C8orf34: variants seen among roughly 807,000 people sequenced by gnomAD.
C8orf34 encodes the protein chromosome 8 open reading frame 34, also known as uncharacterized protein C8orf34.
Under a neutral mutation model 68.3 loss-of-function variants are expected in C8orf34, and 65 were observed. That is an observed-to-expected ratio of 0.95 (90% confidence interval 0.78 to 1.17). The LOEUF is 1.17. C8orf34 is among the 50% of genes most tolerant of loss of function. The pLI is 0.00. For missense variants in C8orf34, 664 were observed against 655.4 expected (o/e 1.01, Z -0.14); for synonymous variants, 244 against 241.2 (o/e 1.01, Z -0.11).
chr8:68,388,655 G>T (rs1376299922), intron 1 of C8orf34, among the ~76,000 whole-genome samples: 1 of 152,016 alleles, frequency 6.6e-6, no homozygotes, highest in Non-Finnish European at 1.5e-5. Flanking sequence ...CAAAAGAAAT[G>T]AACAAGTGGA....
At chr8:68,522,948 G>A (rs1303845169) in intron 6 of C8orf34, among the ~76,000 whole-genome samples, 3 of 152,094 alleles carry the variant, frequency 2.0e-5, no homozygotes, top group Non-Finnish European at 4.4e-5. Context: ...TCTTTCTCAA[G>A]GAGAAAATTG....
intron 1 of C8orf34, among the ~76,000 whole-genome samples, chr8:68,394,140 A>C (rs1039145001): frequency 6.6e-6 from 1 of 151,874 alleles, no homozygotes; most frequent in Non-Finnish European, 1.5e-5. Context: ...CACAATGTGC[A>C]GGTTAGTTAC....
chr8:68,613,999 G>A (rs1325393759), intron 7 of C8orf34, among the ~76,000 whole-genome samples: 2 of 152,154 alleles, frequency 1.3e-5, no homozygotes, highest in Non-Finnish European at 2.9e-5. Flanking sequence ...GTGTGAGATG[G>A]TATGTCATTG....
At chr8:68,470,659 G>T (rs530080735) in intron 4 of C8orf34, among the ~76,000 whole-genome samples, 1 of 152,050 alleles carries the variant, frequency 6.6e-6, no homozygotes, top group Non-Finnish European at 1.5e-5. Context: ...CTGGAGGGTG[G>T]ATGGTCTAAA....
intron 10 of C8orf34, among the ~76,000 whole-genome samples, chr8:68,731,327 A>G (rs1000314585): frequency 6.6e-6 from 1 of 152,208 alleles, no homozygotes; most frequent in Non-Finnish European, 1.5e-5. Flanking sequence ...AAAAGTGACC[A>G]TATTTGTGTT....
intron 8 of C8orf34, among the ~76,000 whole-genome samples, chr8:68,669,176 G>A (rs934718019): frequency 4.6e-5 from 7 of 152,058 alleles, no homozygotes; most frequent in African/African-American, 9.7e-5. Context: ...TCCTGCTTTC[G>A]ATGATGATAA....
chr8:68,770,590 A>T (rs1823311187), intron 10 of C8orf34, among the ~76,000 whole-genome samples: 1 of 152,186 alleles, frequency 6.6e-6, no homozygotes, highest in East Asian at 1.9e-4. Context: ...TCCACTGATA[A>T]AAGTCACCAC....
At chr8:68,780,900 C>T (rs983676776) in intron 11 of C8orf34, among the ~76,000 whole-genome samples, 12 of 152,116 alleles carry the variant, frequency 7.9e-5, no homozygotes, top group African/African-American at 2.4e-4. Context: ...TGATTTTTAA[C>T]GGAAGGATTA....
At chr8:68,715,133 G>A (rs921930308) in intron 9 of C8orf34, among the ~76,000 whole-genome samples, 1 of 152,070 alleles carries the variant, frequency 6.6e-6, no homozygotes, top group Non-Finnish European at 1.5e-5. Flanking sequence ...ACTCAAAATG[G>A]ATCAAGGACT....
intron 10 of C8orf34, among the ~76,000 whole-genome samples, chr8:68,760,555 C>T (rs1042168930): frequency 1.3e-5 from 2 of 152,188 alleles, no homozygotes; most frequent in Admixed American, 6.5e-5. Flanking sequence ...CCTACTTCTT[C>T]CTCCTGGCAG....
chr8:68,427,247 A>C (rs547299196), intron 1 of C8orf34, among the ~76,000 whole-genome samples: 1 of 152,220 alleles, frequency 6.6e-6, no homozygotes, highest in African/African-American at 2.4e-5. Flanking sequence ...AAATGTTTAT[A>C]GCAACATTAT....
chr8:68,615,371 T>A, intron 7 of C8orf34, among the ~76,000 whole-genome samples: 1 of 151,244 alleles, frequency 6.6e-6, no homozygotes, highest in South Asian at 2.1e-4. Context: ...TTGTGCCAGT[T>A]TTCAAAGGGA....
At chr8:68,414,583 C>A (rs1809583291) in intron 1 of C8orf34, among the ~76,000 whole-genome samples, 1 of 136,626 alleles carries the variant, frequency 7.3e-6, no homozygotes, top group South Asian at 2.5e-4. Context: ...GTTTTTTGAT[C>A]TTGGGAAACA....
intron 8 of C8orf34, among the ~76,000 whole-genome samples, chr8:68,642,572 G>A (rs1819044106): frequency 2.6e-5 from 4 of 152,092 alleles, no homozygotes; most frequent in Admixed American, 2.6e-4. Flanking sequence ...CAATAACCAG[G>A]GTATTAGCAT....
chr8:68,794,910 C>T (rs928985192), intron 12 of C8orf34, among the ~76,000 whole-genome samples: 2 of 152,046 alleles, frequency 1.3e-5, no homozygotes, highest in East Asian at 1.9e-4. Flanking sequence ...GATTTGGGAA[C>T]ATTTTGGAGT....
At chr8:68,353,605 CACAT>C (rs1402204921) in intron 1 of C8orf34, among the ~76,000 whole-genome samples, 2 of 144,418 alleles carry the variant, frequency 1.4e-5, no homozygotes, top group African/African-American at 2.5e-5. Context: ...TATATACACA[CACAT>C]ATATATATAC....
At chr8:68,450,861 G>A (rs553585611) in intron 3 of C8orf34, among the ~76,000 whole-genome samples, 5 of 152,212 alleles carry the variant, frequency 3.3e-5, no homozygotes, top group African/African-American at 1.2e-4. Flanking sequence ...GTCACCAGCT[G>A]CATTAGCCCC....
chr8:68,415,480 C>G (rs898695060), intron 1 of C8orf34, among the ~76,000 whole-genome samples: 8 of 150,922 alleles, frequency 5.3e-5, no homozygotes, highest in African/African-American at 2.0e-4. Context: ...AATTCCATCT[C>G]AGGAAAAAAA....
intron 1 of C8orf34, among the ~76,000 whole-genome samples, chr8:68,336,982 G>T (rs1016382781): frequency 6.6e-6 from 1 of 152,126 alleles, no homozygotes; most frequent in Non-Finnish European, 1.5e-5. Context: ...TGTGGAATGT[G>T]CTTAATTCAT....
Sources: allele counts gnomAD v4.1 joint callset (sites outside exome capture counted in the v4.1 genomes callset), GRCh38; gene constraint gnomAD v4.1.1; transcripts MANE v1.5; gene names NCBI Gene and HGNC (gene_info 2026-07-23, HGNC 2026-07-21).